Variants in PIEZO2 observed in about 807,000 individuals in gnomAD.
The protein encoded by PIEZO2 is piezo type mechanosensitive ion channel component 2.
PIEZO2 carries 172 observed loss-of-function variants against 337.3 expected under a neutral mutation model. The ratio of observed to expected loss-of-function variants is 0.51; its 90% CI spans 0.45 to 0.58. The LOEUF is 0.58. Among genes scored for constraint, PIEZO2 ranks in the 20% least tolerant of loss-of-function variants. PIEZO2 has a pLI of 0.00. For synonymous variants in PIEZO2, 1,251 were observed against 1,228.5 expected, an observed-to-expected ratio of 1.02 and a Z score of -0.38; for missense variants, 3,028 against 3,391.3, an observed-to-expected ratio of 0.89 and a Z score of 2.66.
chr18:10,864,647 C>T (rs1916363076), intron 5 of PIEZO2, among the ~76,000 whole-genome samples: 1 of 152,216 alleles, frequency 6.6e-6, no homozygotes, highest in Non-Finnish European at 1.5e-5. Flanking sequence ...AAAAAGCATC[C>T]TTCTCTGAAG....
intron 1 of PIEZO2, among the ~76,000 whole-genome samples, chr18:11,082,052 G>A (rs528882541): frequency 5.5e-4 from 83 of 151,912 alleles, no homozygotes; most frequent in African/African-American, 1.9e-3. Context: ...GAGCCACTGC[G>A]CCCGGCCTCA....
rs536332426 is a variant in PIEZO2 at position 10,833,179 on chromosome 18, C to T, written c.917+22174G>A. 1.3e-5 allele frequency among the ~76,000 whole-genome samples: 2 copies of T among 152,272 alleles called. No individual in the cohort carries two copies. Among genetic ancestry groups the T allele is most frequent in the Admixed American group, 1.3e-4 (2 of 15,306 alleles). ...CAAGGAACACAGTGGCAGGATGGGGCAGTCGTCATGAACATGGCACATGGA... is the reference window on the plus strand; with the variant it reads ...CAAGGAACACAGTGGCAGGATGGGGTAGTCGTCATGAACATGGCACATGGA... On this transcript the variant is annotated intron_variant, in intron 7 of 55. Coordinates refer to ENST00000674853, the MANE Select transcript of PIEZO2 (RefSeq NM_001378183.1). The surrounding 1 kb of genome is among the most constrained non-coding windows in gnomAD (Gnocchi z 4.7).
chr18:11,079,247 A>C (rs1203979411), intron 1 of PIEZO2, among the ~76,000 whole-genome samples: 1 of 152,156 alleles, frequency 6.6e-6, no homozygotes, highest in Non-Finnish European at 1.5e-5. Flanking sequence ...CTTTCTCCTA[A>C]AGTGAGGCTG....
chr18:10,949,255 A>C (rs538162373), intron 3 of PIEZO2, among the ~76,000 whole-genome samples: 2 of 152,358 alleles, frequency 1.3e-5, no homozygotes. Context: ...ATACTAATGC[A>C]GGATATGAGT....
Position 10,707,394 on chromosome 18 carries a change from T to A in PIEZO2, c.5588+881A>T, listed in dbSNP as rs751317925. On this transcript the variant is annotated intron_variant, in intron 40 of 55. Coordinates refer to ENST00000674853, the MANE Select transcript of PIEZO2 (RefSeq NM_001378183.1). The surrounding 1 kb of genome is among the most constrained non-coding windows in gnomAD (Gnocchi z 4.2). ...AGGACTTTGTCAAATGGCCAAGGCATTCCCATCAATGCCAGGTGTCAGCAT... is the reference window on the plus strand; with the variant it reads ...AGGACTTTGTCAAATGGCCAAGGCAATCCCATCAATGCCAGGTGTCAGCAT... Among the ~76,000 whole-genome samples the A allele has an allele frequency of 4.6e-5, 7 of 151,984 alleles. No homozygotes were observed. The highest frequency in any genetic ancestry group is 8.8e-5 in the Non-Finnish European group (6 of 67,974).
At chr18:10,936,609 G>A (rs905515730) in intron 3 of PIEZO2, among the ~76,000 whole-genome samples, 1 of 152,156 alleles carries the variant, frequency 6.6e-6, no homozygotes, top group Non-Finnish European at 1.5e-5. Flanking sequence ...TGGCAGATAA[G>A]TTGTAAGAGT....
rs2038052983 is a variant in PIEZO2, at chr18:10,759,898, T to C, written c.3462A>G (p.Leu1154=). The stretch of plus-strand genomic sequence containing the variant: ...GCTGGCCAATGACGTTAACTGACAT[T>C]AGGAAACAGGTCTGTGTAAAGATGA... ...FYKFGLETCF[L]MSVNVIGQRM... Residue 1154 remains leucine, a synonymous_variant, in exon 25 of 56, where the codon CTA becomes CTG. Coordinates refer to ENST00000674853, the MANE Select transcript of PIEZO2 (RefSeq NM_001378183.1). The surrounding 1 kb of genome is among the most constrained non-coding windows in gnomAD (Gnocchi z 5.5). 3 of 1,537,278 alleles carry C rather than the reference T, an allele frequency of 2.0e-6. No homozygotes were observed. The highest frequency in any genetic ancestry group is 1.7e-4 in the Middle Eastern group (1 of 5,992).
chr18:10,865,897 C>T (rs1453158896), intron 5 of PIEZO2, among the ~76,000 whole-genome samples: 2 of 152,160 alleles, frequency 1.3e-5, no homozygotes, highest in African/African-American at 4.8e-5. Flanking sequence ...AATTGCCTCA[C>T]ACAAGTTTCC....
chr18:10,671,432 T>C lies in PIEZO2; in HGVS notation c.*95A>G. The C allele has an allele frequency of 7.6e-7, 1 of 1,323,966 alleles. No homozygotes were observed. The highest frequency in any genetic ancestry group is 2.4e-5 in the East Asian group (1 of 41,388). The allele number at this position is 1,323,966 out of a possible 1,614,324, so 82.0% of individuals were successfully genotyped here. A position where few individuals can be genotyped will look rare whatever the true frequency, so the allele number is the denominator to read the frequency against. On this transcript the variant is annotated 3_prime_UTR_variant, in exon 56 of 56. Coordinates refer to ENST00000674853, the MANE Select transcript of PIEZO2 (RefSeq NM_001378183.1). ...CCTATCAGAAGAGAAACAAACCATTTCCGTCGAACTAGAAATGCTTAGCTC... is the reference window on the plus strand; with the variant it reads ...CCTATCAGAAGAGAAACAAACCATTCCCGTCGAACTAGAAATGCTTAGCTC...
In PIEZO2 at chr18:10,834,119, T is replaced by G. The variant is rs1761546391; in HGVS notation, c.917+21234A>C. Reference sequence around the variant, plus strand: ...CACATCAGGGTAAGTGGGGTGTCCATCACCTACAGCGTTGATCAGTTCCTT... The same window carrying G: ...CACATCAGGGTAAGTGGGGTGTCCAGCACCTACAGCGTTGATCAGTTCCTT... On this transcript the variant is annotated intron_variant, in intron 7 of 55. Coordinates refer to ENST00000674853, the MANE Select transcript of PIEZO2 (RefSeq NM_001378183.1). The surrounding 1 kb of genome is among the most constrained non-coding windows in gnomAD (Gnocchi z 4.5). 6.6e-6 allele frequency among the ~76,000 whole-genome samples: 1 copy of G among 152,272 alleles called. No individual in the cohort carries two copies. The highest frequency in any genetic ancestry group is 1.5e-5 in the Non-Finnish European group (1 of 68,054).
At chr18:10,970,599 A>G (rs1361368776) in intron 3 of PIEZO2, among the ~76,000 whole-genome samples, 2 of 151,728 alleles carry the variant, frequency 1.3e-5, no homozygotes, top group African/African-American at 2.4e-5. Context: ...CATAGTGGGA[A>G]ATTATACATG....
At position 10,789,222 on chromosome 18, in the gene PIEZO2, C is replaced by G; in HGVS notation, c.2026G>C (p.Gly676Arg). The change falls in exon 15 of 56, where the codon GGC (glycine) becomes CGC (arginine). Residue 676 changes from glycine (G) to arginine (R), a missense_variant. By Grantham distance (125) the Gly-to-Arg change is moderately radical (BLOSUM62 -2). This residue lies in a region of PIEZO2 where 1,925 missense variants were observed against 2,051.9 expected (regional missense o/e 0.94). Transcript: ENST00000674853. ...ATGAACATGGCCACCACCAGATTGC[C>G]CAGGACTTTCATGATGTCCTGCTCA... ...EDEQDIMKVL[G>R]NLVVAMFIKY... 1 of 1,537,294 alleles carries G rather than the reference C, an allele frequency of 6.5e-7. No homozygotes were observed.
chr18:10,950,136 AATATT>A (rs2033226029), intron 3 of PIEZO2, among the ~76,000 whole-genome samples: 2 of 152,354 alleles, frequency 1.3e-5, no homozygotes, highest in Admixed American at 6.5e-5. Context: ...AATGAGGGTT[AATATT>A]GAAAATAAAT....
At position 10,962,788 on chromosome 18, in the gene PIEZO2, A is replaced by G. The variant is rs1175222358; in HGVS notation, c.286+16747T>C. Among the ~76,000 whole-genome samples the G allele has an allele frequency of 6.6e-6, 1 of 152,216 alleles. No individual in the cohort carries two copies. The highest frequency in any genetic ancestry group is 1.5e-5 in the Non-Finnish European group (1 of 68,042). ...TTAAATGGAAGGGTCATGGCTGCTAAGGCCCTTTCCAGTGATCACATACTA... is the reference window on the plus strand; with the variant it reads ...TTAAATGGAAGGGTCATGGCTGCTAGGGCCCTTTCCAGTGATCACATACTA... On this transcript the variant is annotated intron_variant, in intron 3 of 55. Coordinates refer to ENST00000674853, the MANE Select transcript of PIEZO2 (RefSeq NM_001378183.1). This position sits in a 1 kb window ranked among gnomAD's most constrained non-coding sequence, Gnocchi z 4.1.
rs976206924 is a variant in PIEZO2, at chr18:11,116,849, C to A, written c.64+31676G>T. On this transcript the variant is annotated intron_variant, in intron 1 of 55. Coordinates refer to ENST00000674853, the MANE Select transcript of PIEZO2 (RefSeq NM_001378183.1). This position sits in a 1 kb window ranked among gnomAD's most constrained non-coding sequence, Gnocchi z 5.0. ...TTCAGCCAGGCACGGTGGCTCACAC[C>A]TGTAATCCCAGCACTCTGTGAGGCC... Among the ~76,000 whole-genome samples the A allele has an allele frequency of 2.6e-5, 4 of 152,156 alleles. No individual in the cohort carries two copies. The highest frequency in any genetic ancestry group is 5.9e-5 in the Non-Finnish European group (4 of 68,034).
chr18:10,828,239 T>C lies in PIEZO2; in HGVS notation c.918-20965A>G, dbSNP rs1166151799. ...TTTGAGACAGGATGTTGAAGTACTATTTGATAGAAAATTTTCCCTATCTTC... is the reference window on the plus strand; with the variant it reads ...TTTGAGACAGGATGTTGAAGTACTACTTGATAGAAAATTTTCCCTATCTTC... On this transcript the variant is annotated intron_variant, in intron 7 of 55. Coordinates refer to ENST00000674853, the MANE Select transcript of PIEZO2 (RefSeq NM_001378183.1). The surrounding 1 kb of genome is among the most constrained non-coding windows in gnomAD (Gnocchi z 4.1). 6.6e-6 allele frequency among the ~76,000 whole-genome samples: 1 copy of C among 152,020 alleles called. No homozygotes were observed. The highest frequency in any genetic ancestry group is 1.5e-5 in the Non-Finnish European group (1 of 68,010).
In PIEZO2 at chr18:10,731,454, C is replaced by G. The variant is rs557512431; in HGVS notation, c.4982G>C (p.Arg1661Thr). The change falls in exon 36 of 56, where the codon AGG becomes ACG. Residue 1661 changes from arginine to threonine, a missense_variant. By Grantham distance (71) the Arg-to-Thr change is moderately conservative. Coordinates refer to ENST00000674853, the MANE Select transcript of PIEZO2 (RefSeq NM_001378183.1). ...ALRQRHKEKK[R>T]SAREERKRRR... ...TCGTTTCCGTTCTTCTCTTGCAGAC[C>G]TTTTTTTCTCTTTGTGTCTTTGTCG... The G allele has an allele frequency of 2.8e-5, 43 of 1,534,648 alleles. No homozygotes were observed. The African/African-American group carries it at 4.7e-4, about 17-fold the overall frequency.
In PIEZO2 at chr18:11,148,628, G is replaced by A; in HGVS notation, c.-40C>T. ...GAGTCGGAGCAGAGGGGCGAGGCTC[G>A]AGGGTCCCTAGGGGTGGTGGGACGC... On this transcript the variant is annotated 5_prime_UTR_variant, in exon 1 of 56. Transcript: ENST00000674853. This position sits in a 1 kb window ranked among gnomAD's most constrained non-coding sequence, Gnocchi z 5.2. 1 of 1,535,116 alleles carries A rather than the reference G, an allele frequency of 6.5e-7. No individual in the cohort carries two copies. The highest frequency in any genetic ancestry group is 8.7e-7 in the Non-Finnish European group (1 of 1,145,390).
chr18:10,755,050 A>G (rs775127454), intron 27 of PIEZO2, among the ~76,000 whole-genome samples: 14 of 152,190 alleles, frequency 9.2e-5, no homozygotes, highest in Admixed American at 2.0e-4. Context: ...ATGCATTGGT[A>G]TATGCCAAGA....
Sources: gnomAD v4.1 joint callset for allele counts (sites outside exome capture counted in the v4.1 genomes callset) on GRCh38, gnomAD v4.1.1 for gene constraint, gnomAD v4.1.1 regional missense constraint, Gnocchi (gnomAD v3.1) non-coding constraint, MANE v1.5 for transcripts, NCBI Gene and HGNC (gene_info 2026-07-23, HGNC 2026-07-21) for gene names.